FAM185A: variants seen among roughly 807,000 people sequenced by gnomAD.
FAM185A encodes the protein family with sequence similarity 185 member A.
Under a neutral mutation model 45.7 loss-of-function variants are expected in FAM185A, and 21 were observed. The observed-to-expected ratio is 0.46, with a 90% CI of 0.33 to 0.66. FAM185A has a LOEUF of 0.66. Among genes scored for constraint, FAM185A ranks in the 30% least tolerant of loss-of-function variants. The probability of loss-of-function intolerance (pLI) is 0.03; values close to 1 mark genes in which losing one functional copy is unlikely to be tolerated. For missense variants in FAM185A, 305 were observed against 485.4 expected (o/e 0.63, Z 3.49); for synonymous variants, 117 against 194.0 (o/e 0.60, Z 3.30).
chr7:102,844,546 G>A, the FAM185A span, among the ~76,000 whole-genome samples: 3 of 152,114 alleles, frequency 2.0e-5, no homozygotes, highest in Non-Finnish European at 4.4e-5. Flanking sequence ...GAGCTTAGAG[G>A]AAACACAGAC....
intron 6 of FAM185A, among the ~76,000 whole-genome samples, chr7:102,779,358 A>G (rs2411048): frequency 0.46 from 69,798 of 151,460 alleles, 18,165 homozygotes; most frequent in African/African-American, 0.71. Context: ...TTTTAAAGAT[A>G]TGGAGGGAGA....
intron 5 of FAM185A, among the ~76,000 whole-genome samples, chr7:102,775,355 T>G (rs1270153271): frequency 1.3e-5 from 2 of 152,226 alleles, no homozygotes; most frequent in African/African-American, 2.4e-5. Context: ...AAGCCTTAAT[T>G]TTACTCTTGA....
intron 4 of FAM185A, among the ~76,000 whole-genome samples, chr7:102,766,753 G>A (rs1459884815): frequency 9.2e-5 from 14 of 151,886 alleles, no homozygotes; most frequent in Admixed American, 2.6e-4. Flanking sequence ...GCTTAATTTC[G>A]AATCTGGACA....
chr7:102,758,893 G>A (rs1793942361), intron 3 of FAM185A, among the ~76,000 whole-genome samples: 1 of 151,960 alleles, frequency 6.6e-6, no homozygotes, highest in Non-Finnish European at 1.5e-5. Flanking sequence ...GGAGTTGTGA[G>A]CACATTTTAT....
chr7:102,831,882 T>C, the FAM185A span, among the ~76,000 whole-genome samples: 1 of 152,228 alleles, frequency 6.6e-6, no homozygotes, highest in Non-Finnish European at 1.5e-5. Context: ...CAAAATTATA[T>C]GTGTATATTC....
intron 5 of FAM185A, among the ~76,000 whole-genome samples, chr7:102,773,675 T>C (rs1225854299): frequency 2.0e-5 from 3 of 152,158 alleles, no homozygotes; most frequent in South Asian, 2.1e-4. Context: ...TCATCAACAA[T>C]GTATGAGAAT....
At chr7:102,754,618 A>G (rs914703301) in intron 2 of FAM185A, among the ~76,000 whole-genome samples, 1 of 152,268 alleles carries the variant, frequency 6.6e-6, no homozygotes, top group African/African-American at 2.4e-5. Context: ...GAAGGCACCA[A>G]GAGATTGAGG....
downstream of FAM185A, among the ~76,000 whole-genome samples, chr7:102,811,315 A>G (rs544499454): frequency 8.5e-5 from 13 of 152,354 alleles, no homozygotes; most frequent in South Asian, 8.3e-4. Flanking sequence ...ACACAGACCT[A>G]TGAATATGAA....
intron 6 of FAM185A, among the ~76,000 whole-genome samples, chr7:102,782,318 C>T (rs554688292): frequency 4.7e-4 from 72 of 152,070 alleles, no homozygotes; most frequent in African/African-American, 1.4e-3. Context: ...AGATACTCCT[C>T]GAGAAGAGCA....
intron 7 of FAM185A, among the ~76,000 whole-genome samples, chr7:102,807,932 G>A (rs186382889): frequency 1.3e-5 from 2 of 152,244 alleles, no homozygotes; most frequent in Admixed American, 6.5e-5. Flanking sequence ...ATGGTGGCGC[G>A]TGCCTGTAGT....
chr7:102,780,928 C>G (rs1795364003), intron 6 of FAM185A, among the ~76,000 whole-genome samples: 1 of 152,204 alleles, frequency 6.6e-6, no homozygotes, highest in Non-Finnish European at 1.5e-5. Flanking sequence ...AAGGGGGTGA[C>G]AGACAGCACC....
At chr7:102,763,936 TTTC>T (rs1252399458) in intron 4 of FAM185A, among the ~76,000 whole-genome samples, 1 of 152,206 alleles carries the variant, frequency 6.6e-6, no homozygotes, top group Non-Finnish European at 1.5e-5. Flanking sequence ...TTAAATATAC[TTTC>T]TTATTTTCTC....
At chr7:102,828,286 A>C in the FAM185A span, among the ~76,000 whole-genome samples, 1 of 151,902 alleles carries the variant, frequency 6.6e-6, no homozygotes, top group Non-Finnish European at 1.5e-5. Context: ...TTCTCCTTGA[A>C]GAGGTCCTTC....
At chr7:102,788,592 T>TGCCAG (rs779679889) in intron 7 of FAM185A, among the ~76,000 whole-genome samples, 141 of 152,228 alleles carry the variant, frequency 9.3e-4, no homozygotes, top group Admixed American at 1.8e-3. Context: ...TATAACTGCA[T>TGCCAG]GCCACCTAAT....
the FAM185A span, among the ~76,000 whole-genome samples, chr7:102,815,105 G>A: frequency 6.6e-6 from 1 of 151,970 alleles, no homozygotes; most frequent in Non-Finnish European, 1.5e-5. Context: ...CAAACAGCAA[G>A]GCTCCATCAT....
chr7:102,796,546 C>T (rs1402106673), intron 7 of FAM185A, among the ~76,000 whole-genome samples: 1 of 152,152 alleles, frequency 6.6e-6, no homozygotes, highest in African/African-American at 2.4e-5. Flanking sequence ...TCAGCCTGTA[C>T]CTAGAAATGA....
At chr7:102,755,378 C>T in intron 2 of FAM185A, 2 of 585,674 alleles carry the variant, frequency 3.4e-6, no homozygotes, top group Admixed American at 3.0e-5. Flanking sequence ...AAAGTGCCTC[C>T]TGCGATTAAC....
intron 7 of FAM185A, among the ~76,000 whole-genome samples, chr7:102,790,965 G>A (rs981316911): frequency 6.6e-5 from 10 of 151,990 alleles, no homozygotes; most frequent in African/African-American, 2.4e-4. Context: ...ACATTCTAGT[G>A]AGGAAAGGCA....
At chr7:102,750,199 T>C (rs1232410831) in intron 1 of FAM185A, among the ~76,000 whole-genome samples, 1 of 152,208 alleles carries the variant, frequency 6.6e-6, no homozygotes, top group African/African-American at 2.4e-5. Context: ...GAAAAACACA[T>C]GGTAAGCCTG....
Sources: gnomAD v4.1 joint callset for allele counts (sites outside exome capture counted in the v4.1 genomes callset) on GRCh38, gnomAD v4.1.1 for gene constraint, MANE v1.5 for transcripts, NCBI Gene and HGNC (gene_info 2026-07-23, HGNC 2026-07-21) for gene names.